Variants in PTPRG observed in about 807,000 individuals in gnomAD.
The protein encoded by PTPRG is protein tyrosine phosphatase receptor type G, also known as receptor-type tyrosine-protein phosphatase gamma.
Under a neutral mutation model 165.3 loss-of-function variants are expected in PTPRG, and 102 were observed. The ratio of observed to expected loss-of-function variants is 0.62; its 90% CI spans 0.53 to 0.73. The LOEUF is 0.73. Ranked by LOEUF, PTPRG falls within the 30% of genes least tolerant of loss-of-function variation. PTPRG has a pLI of 0.00. For missense variants in PTPRG, 1,866 were observed against 1,861.4 expected (o/e 1.00, Z -0.05); for synonymous variants, 675 against 669.5 (o/e 1.01, Z -0.13).
At position 62,225,566 on chromosome 3, in the gene PTPRG, C is replaced by T. The variant is rs565640085; in HGVS notation, c.2289-5659C>T. On this transcript the variant is annotated intron_variant, in intron 13 of 29. Transcript: ENST00000474889. ...GAGGGATGTTGCATAGAAGGTAGTT[C>T]TTATTGCTCTGATGAGCAATATCTC... Among the ~76,000 whole-genome samples, 13 of 147,768 alleles carry T rather than the reference C, an allele frequency of 8.8e-5. No homozygotes were observed. The South Asian group carries it at 2.8e-3, about 32-fold the overall frequency.
rs536247524 is a variant in PTPRG, at chr3:62,067,113, C to A, written c.520-11050C>A. On this transcript the variant is annotated intron_variant, in intron 4 of 29. Transcript: ENST00000474889. ...CCTCACAGCAGACTTGATCCTCCCCCTCAAGGTTCAGTAGTGGTGTGAAAG... is the reference window on the plus strand; with the variant it reads ...CCTCACAGCAGACTTGATCCTCCCCATCAAGGTTCAGTAGTGGTGTGAAAG... Among the ~76,000 whole-genome samples, 8 of 151,710 alleles carry A rather than the reference C, an allele frequency of 5.3e-5. No homozygotes were observed. In the East Asian group the frequency reaches 1.5e-3, roughly 29 times the overall value.
At chr3:61,870,685 G>T (rs762389430) in intron 2 of PTPRG, among the ~76,000 whole-genome samples, 3 of 151,310 alleles carry the variant, frequency 2.0e-5, no homozygotes, top group Non-Finnish European at 2.9e-5. Flanking sequence ...CCATTGTTGG[G>T]TAGGAAAAGT....
chr3:62,108,652 C>T (rs1162020253), intron 5 of PTPRG, among the ~76,000 whole-genome samples: 4 of 152,196 alleles, frequency 2.6e-5, no homozygotes, highest in Admixed American at 2.6e-4. Context: ...CTAATTTACA[C>T]TCCCTCCAAC....
intron 3 of PTPRG, among the ~76,000 whole-genome samples, chr3:61,999,384 G>A (rs1260735121): frequency 6.6e-6 from 1 of 152,094 alleles, no homozygotes; most frequent in African/African-American, 2.4e-5. Context: ...TCCCATTCAC[G>A]AGGGTTCCAC....
At chr3:62,236,130 A>G (rs766351799) in intron 14 of PTPRG, among the ~76,000 whole-genome samples, 6 of 152,260 alleles carry the variant, frequency 3.9e-5, no homozygotes, top group Non-Finnish European at 7.3e-5. Context: ...ATGCCATAAA[A>G]GAAACTTAAC....
intron 16 of PTPRG, among the ~76,000 whole-genome samples, chr3:62,260,330 T>C (rs1701658206): frequency 6.6e-6 from 1 of 152,210 alleles, no homozygotes; most frequent in Non-Finnish European, 1.5e-5. Flanking sequence ...TGCATTATTT[T>C]TTTGAATTGA....
chr3:61,685,731 C>G (rs191297438), intron 1 of PTPRG, among the ~76,000 whole-genome samples: 2 of 152,308 alleles, frequency 1.3e-5, no homozygotes, highest in Admixed American at 1.3e-4. Context: ...GGTCCCTATT[C>G]TGTCTTACTT....
chr3:62,137,236 T>C (rs1453813846), intron 6 of PTPRG, among the ~76,000 whole-genome samples: 1 of 152,202 alleles, frequency 6.6e-6, no homozygotes, highest in Non-Finnish European at 1.5e-5. Flanking sequence ...TACCAGCACT[T>C]TTTGTATACA....
chr3:61,835,341 C>G (rs889304826), intron 2 of PTPRG, among the ~76,000 whole-genome samples: 4 of 152,110 alleles, frequency 2.6e-5, no homozygotes, highest in African/African-American at 9.7e-5. Context: ...ATTTCCTATT[C>G]AGTGGGATCA....
intron 4 of PTPRG, among the ~76,000 whole-genome samples, chr3:62,068,082 A>C (rs183814522): frequency 6.6e-6 from 1 of 152,304 alleles, no homozygotes; most frequent in Non-Finnish European, 1.5e-5. Context: ...CCCAGTGTTA[A>C]TTACTTCTTA....
intron 1 of PTPRG, among the ~76,000 whole-genome samples, chr3:61,708,973 A>T (rs2031410765): frequency 6.6e-6 from 1 of 152,252 alleles, no homozygotes; most frequent in Non-Finnish European, 1.5e-5. Flanking sequence ...AGTCTGTTGG[A>T]AGGAAGCAAA....
At chr3:62,111,660 G>A (rs1702670976) in intron 5 of PTPRG, among the ~76,000 whole-genome samples, 1 of 152,134 alleles carries the variant, frequency 6.6e-6, no homozygotes, top group Non-Finnish European at 1.5e-5. Flanking sequence ...TGTTGTCCAG[G>A]CTGGTCTTGA....
At chr3:61,746,940 C>T (rs1269418102) in intron 1 of PTPRG, among the ~76,000 whole-genome samples, 2 of 152,088 alleles carry the variant, frequency 1.3e-5, no homozygotes, top group African/African-American at 4.8e-5. Flanking sequence ...ATTGCATGAG[C>T]CCAGGAGTTT....
intron 3 of PTPRG, among the ~76,000 whole-genome samples, chr3:62,000,649 A>G (rs560000002): frequency 6.6e-6 from 1 of 152,310 alleles, no homozygotes; most frequent in East Asian, 1.9e-4. Flanking sequence ...CTCCTCCCAA[A>G]TAGTATTTGA....
At chr3:61,653,746 G>GC (rs1214909712) in intron 1 of PTPRG, among the ~76,000 whole-genome samples, 1 of 152,048 alleles carries the variant, frequency 6.6e-6, no homozygotes, top group Non-Finnish European at 1.5e-5. Context: ...CTGTATAAGG[G>GC]CCCAGCCTCT....
chr3:62,256,164 C>G (rs1185635302), intron 16 of PTPRG, among the ~76,000 whole-genome samples: 2 of 152,056 alleles, frequency 1.3e-5, no homozygotes, highest in African/African-American at 4.8e-5. Flanking sequence ...CCATCTCTTT[C>G]AACAAAATTG....
At chr3:62,102,560 C>G (rs1385971630) in intron 5 of PTPRG, among the ~76,000 whole-genome samples, 2 of 152,158 alleles carry the variant, frequency 1.3e-5, no homozygotes, top group Admixed American at 1.3e-4. Context: ...CGTGAGCCAC[C>G]ACGCCCGGCC....
intron 2 of PTPRG, among the ~76,000 whole-genome samples, chr3:61,918,643 C>T (rs577795276): frequency 5.9e-5 from 9 of 152,194 alleles, no homozygotes; most frequent in African/African-American, 2.2e-4. Flanking sequence ...ATCACATGGC[C>T]AAGAAAGGTG....
At chr3:61,617,333 G>A (rs957295703) in intron 1 of PTPRG, among the ~76,000 whole-genome samples, 2 of 152,122 alleles carry the variant, frequency 1.3e-5, no homozygotes, top group Non-Finnish European at 1.5e-5. Context: ...AGGGTGTGTC[G>A]GTATTTAATG....
Sources: gnomAD v4.1 joint callset for allele counts (sites outside exome capture counted in the v4.1 genomes callset) on GRCh38, gnomAD v4.1.1 for gene constraint, MANE v1.5 for transcripts, NCBI Gene and HGNC (gene_info 2026-07-23, HGNC 2026-07-21) for gene names.